Variants in KCTD16 observed in about 807,000 individuals in gnomAD.
The protein encoded by KCTD16 is potassium channel tetramerization domain containing 16.
KCTD16 carries 13 observed loss-of-function variants against 33.2 expected under a neutral mutation model. The observed-to-expected ratio is 0.39, with a 90% CI of 0.25 to 0.62. KCTD16 has a LOEUF of 0.62. Among genes scored for constraint, KCTD16 ranks in the 20% least tolerant of loss-of-function variants. The pLI is 0.50. For synonymous variants in KCTD16, 197 were observed against 195.3 expected (o/e 1.01, Z -0.07); for missense variants, 441 against 525.1 (o/e 0.84, Z 1.57).
At chr5:144,383,443 T>A (rs1484766587) in intron 3 of KCTD16, among the ~76,000 whole-genome samples, 2 of 152,126 alleles carry the variant, frequency 1.3e-5, no homozygotes, top group African/African-American at 4.8e-5. Flanking sequence ...TAGTCTTTTC[T>A]CATGCCACTG....
chr5:144,459,908 T>TGCA (rs1273405897), intron 3 of KCTD16, among the ~76,000 whole-genome samples: 1 of 140,824 alleles, frequency 7.1e-6, no homozygotes, highest in Non-Finnish European at 1.5e-5. Flanking sequence ...CTTGGCTCAC[T>TGCA]GCAAGATCCG....
chr5:144,183,482 C>T (rs1449291506), intron 2 of KCTD16, among the ~76,000 whole-genome samples: 2 of 152,064 alleles, frequency 1.3e-5, no homozygotes, highest in Non-Finnish European at 2.9e-5. Flanking sequence ...CATTTTGCCC[C>T]CTAGTGGCTT....
intron 3 of KCTD16, among the ~76,000 whole-genome samples, chr5:144,311,571 T>C (rs1410286776): frequency 3.3e-5 from 5 of 152,286 alleles, no homozygotes; most frequent in African/African-American, 9.6e-5. Flanking sequence ...ATGGGAATGG[T>C]TAACAATGAA....
chr5:144,386,897 T>C (rs139241767), intron 3 of KCTD16, among the ~76,000 whole-genome samples: 385 of 152,342 alleles, frequency 2.5e-3, no homozygotes, highest in African/African-American at 8.8e-3. Context: ...AGTGGTATTA[T>C]TGTTGTTGTA....
chr5:144,210,016 T>C (rs926529567), intron 3 of KCTD16, among the ~76,000 whole-genome samples: 1 of 151,556 alleles, frequency 6.6e-6, no homozygotes, highest in African/African-American at 2.4e-5. Context: ...CATGGATCAA[T>C]ATCTCAGTAA....
intron 3 of KCTD16, among the ~76,000 whole-genome samples, chr5:144,367,590 TTA>T (rs1247526473): frequency 6.6e-6 from 1 of 152,148 alleles, no homozygotes. Flanking sequence ...AGGTCACAAC[TTA>T]TAGCTCCACT....
chr5:144,201,360 C>A (rs1256590839), intron 2 of KCTD16, among the ~76,000 whole-genome samples: 1 of 152,136 alleles, frequency 6.6e-6, no homozygotes, highest in African/African-American at 2.4e-5. Flanking sequence ...ATAATAAATA[C>A]ATTTATAACA....
At chr5:144,175,034 C>T (rs1752470752) in intron 2 of KCTD16, among the ~76,000 whole-genome samples, 1 of 152,112 alleles carries the variant, frequency 6.6e-6, no homozygotes, top group African/African-American at 2.4e-5. Context: ...CGGGAGAACT[C>T]AAAGTGGGCT....
chr5:144,456,206 C>CT (rs1339412212), intron 3 of KCTD16, among the ~76,000 whole-genome samples: 1 of 150,656 alleles, frequency 6.6e-6, no homozygotes, highest in Non-Finnish European at 1.5e-5. Flanking sequence ...CCTCACAAAC[C>CT]CCCCCCAACA....
intron 3 of KCTD16, among the ~76,000 whole-genome samples, chr5:144,378,511 T>C (rs1752142195): frequency 6.6e-6 from 1 of 152,188 alleles, no homozygotes; most frequent in South Asian, 2.1e-4. Context: ...ATAATAAAAT[T>C]CTGGAAATAA....
At chr5:144,465,787 T>G (rs1198699210) in intron 3 of KCTD16, among the ~76,000 whole-genome samples, 3 of 138,192 alleles carry the variant, frequency 2.2e-5, no homozygotes, top group Admixed American at 2.1e-4. Flanking sequence ...AACTTTTTTG[T>G]TTTTTTTTTT....
At chr5:144,237,499 C>T (rs997280454) in intron 3 of KCTD16, among the ~76,000 whole-genome samples, 5 of 151,924 alleles carry the variant, frequency 3.3e-5, no homozygotes, top group Non-Finnish European at 7.4e-5. Context: ...GTCACTTTTT[C>T]CTAGTCATTT....
intron 3 of KCTD16, among the ~76,000 whole-genome samples, chr5:144,329,584 A>G (rs550634235): frequency 2.6e-5 from 4 of 152,358 alleles, no homozygotes; most frequent in South Asian, 2.1e-4. Flanking sequence ...ACAAAGCTCT[A>G]TTATGTACCA....
chr5:144,409,819 A>AAACAACAAC (rs60399517), intron 3 of KCTD16, among the ~76,000 whole-genome samples: 12 of 151,996 alleles, frequency 7.9e-5, no homozygotes, highest in Admixed American at 2.6e-4. Context: ...CTCTGTCTCA[A>AAACAACAAC]AACAACAACA....
chr5:144,187,009 A>G (rs1432440386), intron 2 of KCTD16, among the ~76,000 whole-genome samples: 1 of 152,198 alleles, frequency 6.6e-6, no homozygotes, highest in Non-Finnish European at 1.5e-5. Flanking sequence ...GGAGAGAAAC[A>G]TGATTCAAAT....
intron 3 of KCTD16, among the ~76,000 whole-genome samples, chr5:144,223,650 T>G (rs1580801501): frequency 6.7e-6 from 1 of 150,110 alleles, no homozygotes; most frequent in Non-Finnish European, 1.5e-5. Flanking sequence ...CATTTTTTGT[T>G]TTTTTTTTTG....
intron 3 of KCTD16, among the ~76,000 whole-genome samples, chr5:144,412,482 A>C (rs1262755959): frequency 1.3e-5 from 2 of 152,212 alleles, no homozygotes; most frequent in South Asian, 4.1e-4. Flanking sequence ...AATCCTGTGA[A>C]GATAAGGAGT....
chr5:144,266,663 A>G (rs1755148236), intron 3 of KCTD16, among the ~76,000 whole-genome samples: 1 of 152,224 alleles, frequency 6.6e-6, no homozygotes, highest in Non-Finnish European at 1.5e-5. Context: ...ATAAATCTGT[A>G]AAACACAAAT....
chr5:144,273,884 T>A (rs1407730121), intron 3 of KCTD16, among the ~76,000 whole-genome samples: 2 of 151,866 alleles, frequency 1.3e-5, no homozygotes, highest in African/African-American at 2.4e-5. Context: ...ACATTATGAA[T>A]GTATTTGTTA....
Sources: allele counts gnomAD v4.1 joint callset (sites outside exome capture counted in the v4.1 genomes callset), GRCh38; gene constraint gnomAD v4.1.1; transcripts MANE v1.5; gene names NCBI Gene and HGNC (gene_info 2026-07-23, HGNC 2026-07-21).